TET3: variants seen among roughly 807,000 people sequenced by gnomAD.
TET3 encodes the protein methylcytosine dioxygenase TET3.
In TET3, 19 loss-of-function variants were observed where a neutral mutation model predicts 141.4. The ratio of observed to expected loss-of-function variants is 0.13; its 90% CI spans 0.09 to 0.20. The LOEUF (loss-of-function observed/expected upper bound fraction) is 0.20. Among genes scored for constraint, TET3 ranks in the 10% least tolerant of loss-of-function variants. The pLI is 1.00. For missense variants in TET3, 1,874 were observed against 2,356.9 expected (o/e 0.80, Z 4.24); for synonymous variants, 1,043 against 980.9 (o/e 1.06, Z -1.18).
At chr2:74,097,302 C>T (rs977108931) in intron 10 of TET3, among the ~76,000 whole-genome samples, 4 of 151,342 alleles carry the variant, frequency 2.6e-5, no homozygotes, top group African/African-American at 9.7e-5. Context: ...CCAACTGCTA[C>T]AATATTTGTA....
chr2:73,999,409 A>G (rs1045016024), intron 2 of TET3, among the ~76,000 whole-genome samples: 18 of 152,158 alleles, frequency 1.2e-4, no homozygotes, highest in Admixed American at 1.0e-3. Flanking sequence ...ATCATGCTCT[A>G]TGGGGCCTGA....
Position 74,087,166 on chromosome 2 carries a change from T to A in TET3, c.2680-664T>A, listed in dbSNP as rs1362421376. On this transcript the variant is annotated intron_variant, in intron 6 of 11. Coordinates refer to ENST00000409262, the MANE Select transcript of TET3 (RefSeq NM_001287491.2). The surrounding 1 kb of genome is among the most constrained non-coding windows in gnomAD (Gnocchi z 4.3). ...TCAGAATTTTGTTTCTCTTTAAGGC[T>A]GAGTAATACTTGGTTGTCTGTCTAT... Among the ~76,000 whole-genome samples, 6 of 152,230 alleles carry A rather than the reference T, an allele frequency of 3.9e-5. No individual in the cohort carries two copies. Among genetic ancestry groups the A allele is most frequent in the Non-Finnish European group, 7.3e-5 (5 of 68,038 alleles).
chr2:74,101,990 G>C lies in TET3; in HGVS notation c.5202G>C (p.Gln1734His). The change falls in exon 12 of 12, where the codon CAG (glutamine) becomes CAC (histidine). Residue 1734 changes from glutamine (Q) to histidine (H), a missense_variant. Gln to His is a conservative substitution (Grantham distance 24). Coordinates refer to ENST00000409262, the MANE Select transcript of TET3 (RefSeq NM_001287491.2). The surrounding 1 kb of genome is among the most constrained non-coding windows in gnomAD (Gnocchi z 8.5). ...AGGCTGCCCGGCTGGGCCTGGGCCA[G>C]CAGGAGGCCAAGCTCTACGGGAAGA... ...QEEAARLGLGQQEAKLYGKKR... is the reference protein window; with the variant it reads ...QEEAARLGLGHQEAKLYGKKR... The C allele has an allele frequency of 1.2e-6, 2 of 1,602,938 alleles. No homozygotes were observed. Among genetic ancestry groups the C allele is most frequent in the Non-Finnish European group, 1.7e-6 (2 of 1,172,844 alleles).
At chr2:74,122,677 CTTT>C in the TET3 span, among the ~76,000 whole-genome samples, 1,809 of 42,326 alleles carry the variant, frequency 0.043, 57 homozygotes, top group African/African-American at 0.14. Flanking sequence ...CTACACCTAG[CTTT>C]TTTTTTTTTT....
intron 3 of TET3, among the ~76,000 whole-genome samples, chr2:74,035,637 G>C (rs1286446537): frequency 6.6e-6 from 1 of 152,072 alleles, no homozygotes. Context: ...TGAGGCAAGA[G>C]AATCACTTGA....
At chr2:74,081,499 C>T (rs1459624732) in intron 6 of TET3, among the ~76,000 whole-genome samples, 1 of 152,196 alleles carries the variant, frequency 6.6e-6, no homozygotes, top group East Asian at 1.9e-4. Context: ...AATGCTCAAG[C>T]TAGGTTTCCC....
Position 74,101,583 on chromosome 2 carries a change from G to T in TET3, c.4795G>T (p.Glu1599Ter). The change falls in exon 12 of 12, where the codon GAG (glutamate) becomes TAG (stop). Residue 1599 changes from glutamate (E) to a stop codon, truncating the protein, a stop_gained. Transcript: ENST00000409262. LOFTEE classifies it high-confidence loss of function. The surrounding 1 kb of genome is among the most constrained non-coding windows in gnomAD (Gnocchi z 8.5). ...SEKLFGALKS[E>*]EKLWDPFSLE... ...GAAGCTGTTTGGGGCTCTGAAGTCA[G>T]AGGAGAAGCTGTGGGACCCCTTCAG... 6.2e-7 allele frequency: 1 copy of T among 1,609,802 alleles called. No individual in the cohort carries two copies.
At chr2:74,035,890 C>T (rs541812226) in intron 3 of TET3, among the ~76,000 whole-genome samples, 5 of 151,924 alleles carry the variant, frequency 3.3e-5, no homozygotes, top group East Asian at 3.9e-4. Context: ...TGATGTTGTG[C>T]GCCTGTAGTC....
chr2:74,018,396 T>A (rs865827594), intron 3 of TET3, among the ~76,000 whole-genome samples: 1 of 152,230 alleles, frequency 6.6e-6, no homozygotes, highest in African/African-American at 2.4e-5. Flanking sequence ...TCATAAAAAT[T>A]TGATTTTTAT....
rs575764638 is a variant in TET3, at chr2:74,008,070, C to A, written c.360+4904C>A. 4.0e-4 allele frequency among the ~76,000 whole-genome samples: 61 copies of A among 152,190 alleles called. 1 individual carries two copies. The highest frequency in any genetic ancestry group is 1.4e-3 in the African/African-American group (59 of 41,504). ...GGATTGGTGTTAAGCAGTTTACGGG[C>A]CATATCCTGAATAGCACTGCTTTTG... On this transcript the variant is annotated intron_variant, in intron 3 of 11. Transcript: ENST00000409262.
the TET3 span, among the ~76,000 whole-genome samples, chr2:74,131,201 T>A: frequency 1.3e-5 from 2 of 152,150 alleles, no homozygotes; most frequent in African/African-American, 4.8e-5. Context: ...AATCACTGTA[T>A]CTTCTTTACT....
chr2:74,073,006 T>A (rs1481612823), intron 4 of TET3, among the ~76,000 whole-genome samples: 1 of 152,262 alleles, frequency 6.6e-6, no homozygotes, highest in African/African-American at 2.4e-5. Flanking sequence ...GATGGATGAT[T>A]ATGTTGTTTT....
chr2:74,061,175 C>A (rs1447113929), intron 4 of TET3, among the ~76,000 whole-genome samples: 19 of 143,350 alleles, frequency 1.3e-4, no homozygotes, highest in South Asian at 4.6e-4. Flanking sequence ...CCGGACGGGG[C>A]GGCCGGCCGG....
At chr2:74,119,352 CAAAAAAAAA>C in the TET3 span, among the ~76,000 whole-genome samples, 1 of 107,604 alleles carries the variant, frequency 9.3e-6, no homozygotes, top group Non-Finnish European at 2.1e-5. Context: ...GACTCTATCT[CAAAAAAAAA>C]AAAAAAAAAG....
chr2:74,094,938 G>A (rs1014480100), intron 10 of TET3, among the ~76,000 whole-genome samples: 1 of 152,190 alleles, frequency 6.6e-6, no homozygotes, highest in Non-Finnish European at 1.5e-5. Context: ...GGTCTGGAGA[G>A]CACGTGGTTT....
the TET3 span, among the ~76,000 whole-genome samples, chr2:74,131,857 TA>T: frequency 6.8e-6 from 1 of 146,500 alleles, no homozygotes; most frequent in Middle Eastern, 3.5e-3. Flanking sequence ...ATCCGTCAAT[TA>T]AAAAAACCTG....
At chr2:74,119,888 CTTT>C in the TET3 span, among the ~76,000 whole-genome samples, 7 of 152,172 alleles carry the variant, frequency 4.6e-5, no homozygotes, top group Non-Finnish European at 8.8e-5. Context: ...CCCATGGATT[CTTT>C]TTAATTGAAT....
At chr2:74,065,759 C>CTT (rs1476494956) in intron 4 of TET3, among the ~76,000 whole-genome samples, 1 of 131,202 alleles carries the variant, frequency 7.6e-6, no homozygotes, top group South Asian at 2.5e-4. Context: ...CTTCTCTTCT[C>CTT]TTTTGTTTTT....
chr2:74,061,278 G>A (rs1688527767), intron 4 of TET3, among the ~76,000 whole-genome samples: 1 of 145,968 alleles, frequency 6.9e-6, no homozygotes, highest in Admixed American at 6.7e-5. Context: ...TGGGGCGGCT[G>A]GCCAGGCAGA....
Sources: gnomAD v4.1 joint callset for allele counts (sites outside exome capture counted in the v4.1 genomes callset) on GRCh38, gnomAD v4.1.1 for gene constraint, Gnocchi (gnomAD v3.1) non-coding constraint, MANE v1.5 for transcripts, NCBI Gene and HGNC (gene_info 2026-07-23, HGNC 2026-07-21) for gene names.